Variants in GPC3 observed in about 807,000 individuals in gnomAD.
GPC3 encodes glypican-3.
Under a neutral mutation model 34.4 loss-of-function variants are expected in GPC3, and 3 were observed. The ratio of observed to expected loss-of-function variants is 0.09; its 90% CI spans 0.04 to 0.23. GPC3 has a LOEUF of 0.23. GPC3 is among the 10% of genes least tolerant of loss of function. The pLI is 1.00. For synonymous variants in GPC3, 177 were observed against 174.0 expected (o/e 1.02, Z -0.13); for missense variants, 351 against 445.6 (o/e 0.79, Z 1.91).
chrX:133,798,107 C>T lies in GPC3; in HGVS notation c.338-43931G>A, dbSNP rs1182894726. ...GTCAATTTTAAATTCAACTAGGGCT[C>T]AGTAACACATTAAGATTTTATATTT... On this transcript the variant is annotated intron_variant, in intron 2 of 7. Coordinates refer to ENST00000370818, the MANE Select transcript of GPC3 (RefSeq NM_004484.4). Among the ~76,000 whole-genome samples the T allele has an allele frequency of 2.7e-5, 3 of 111,800 alleles. No individual in the cohort carries two copies. The Admixed American group carries it at 2.8e-4, about 11-fold the overall frequency.
intron 2 of GPC3, among the ~76,000 whole-genome samples, chrX:133,833,780 T>C (rs957863212): frequency 8.9e-6 from 1 of 112,502 alleles, no homozygotes. Context: ...ATAATCCATG[T>C]TTACTATAGA....
rs745968470 is a variant in GPC3 at position 133,661,745 on chromosome X, C to T, written c.1398G>A (p.Leu466=). ...EPVVSQIIDK[L]KHINQLLRTM... is the part of the protein sequence containing the mutation. Reference sequence around the variant, plus strand: ...TTCCACATACCTGGTTAATGTGCTTCAGTTTGTCAATAATTTGACTGACCA... The same window carrying T: ...TTCCACATACCTGGTTAATGTGCTTTAGTTTGTCAATAATTTGACTGACCA... Residue 466 remains leucine (L), a synonymous_variant, in exon 6 of 8, where the codon CTG becomes CTA. Transcript: ENST00000370818. The T allele has an allele frequency of 2.7e-5, 32 of 1,167,550 alleles. No individual in the cohort carries two copies. The highest frequency in any genetic ancestry group is 3.5e-5 in the Non-Finnish European group (30 of 863,630).
intron 2 of GPC3, among the ~76,000 whole-genome samples, chrX:133,868,107 T>C (rs1183967266): frequency 8.9e-6 from 1 of 111,756 alleles, no homozygotes; most frequent in African/African-American, 3.3e-5. Context: ...GCCCTCTGTC[T>C]TTGCAAAAAC....
At chrX:133,740,237 T>C (rs1034129779) in intron 3 of GPC3, among the ~76,000 whole-genome samples, 1 of 111,799 alleles carries the variant, frequency 8.9e-6, no homozygotes, top group African/African-American at 3.2e-5. Context: ...GGAGAAATGG[T>C]AGGGGAGGAA....
chrX:133,611,240 G>A (rs776560149), intron 6 of GPC3, among the ~76,000 whole-genome samples: 20 of 109,732 alleles, frequency 1.8e-4, no homozygotes, highest in African/African-American at 6.3e-4. Context: ...GGGGTGTGGT[G>A]GGGGGTGGAG....
At position 133,684,895 on chromosome X, in the gene GPC3, T is replaced by C. The variant is rs781186507; in HGVS notation, c.1292+7474A>G. On this transcript the variant is annotated intron_variant, in intron 5 of 7. Coordinates refer to ENST00000370818, the MANE Select transcript of GPC3 (RefSeq NM_004484.4). ...TGGCATATAGGTCTTTTTTTTTTTT[T>C]ACTTAATCTCTTTACTACTAGATTG... Among the ~76,000 whole-genome samples, 269 of 110,069 alleles carry C rather than the reference T, an allele frequency of 2.4e-3. 2 individuals are homozygous for C. The highest frequency in any genetic ancestry group is 4.5e-3 in the Non-Finnish European group (239 of 52,775).
At chrX:133,564,824 A>C (rs1431747723) in intron 7 of GPC3, among the ~76,000 whole-genome samples, 1 of 112,021 alleles carries the variant, frequency 8.9e-6, no homozygotes, top group African/African-American at 3.2e-5. Context: ...GACTTCCAAA[A>C]TCTTATGCAC....
chrX:133,776,816 C>G (rs185697985), intron 2 of GPC3, among the ~76,000 whole-genome samples: 1 of 109,988 alleles, frequency 9.1e-6, no homozygotes, highest in Non-Finnish European at 1.9e-5. Flanking sequence ...CTCTCATTCT[C>G]TTACAGCAAT....
chrX:133,918,929 C>T (rs1480406204), intron 2 of GPC3, among the ~76,000 whole-genome samples: 4 of 111,793 alleles, frequency 3.6e-5, no homozygotes, highest in African/African-American at 9.8e-5. Flanking sequence ...GCGACAGAAG[C>T]GGAAAGAACC....
In GPC3 at chrX:133,703,681, T is replaced by C. The variant is rs184731460; in HGVS notation, c.1033-3653A>G. On this transcript the variant is annotated intron_variant, in intron 3 of 7. Coordinates refer to ENST00000370818, the MANE Select transcript of GPC3 (RefSeq NM_004484.4). ...TTCACCGTGTTAGCTAGGATGGTCT[T>C]GATCTCCTGACCTCGTGATCCACCC... Among the ~76,000 whole-genome samples, 606 of 111,686 alleles carry C rather than the reference T, an allele frequency of 5.4e-3. 3 individuals carry two copies. The highest frequency in any genetic ancestry group is 0.018 in the African/African-American group (547 of 30,727).
chrX:133,553,425 CTACT>C (rs928856403), intron 7 of GPC3, among the ~76,000 whole-genome samples: 1 of 111,985 alleles, frequency 8.9e-6, no homozygotes, highest in Non-Finnish European at 1.9e-5. Flanking sequence ...GCCTGGCATC[CTACT>C]TTTTTTCTAG....
intron 6 of GPC3, among the ~76,000 whole-genome samples, chrX:133,630,137 T>TTG (rs905120658): frequency 9.0e-6 from 1 of 111,671 alleles, no homozygotes; most frequent in Admixed American, 9.5e-5. Flanking sequence ...GGTTTGTGTT[T>TTG]TGTGTGTGTG....
rs187072230 is a variant in GPC3 at position 133,979,175 on chromosome X, T to C, written c.175+6100A>G. 2.7e-5 allele frequency among the ~76,000 whole-genome samples: 3 copies of C among 112,113 alleles called. No individual in the cohort carries two copies. The East Asian group carries it at 8.4e-4, about 31-fold the overall frequency. On this transcript the variant is annotated intron_variant, in intron 1 of 7. Coordinates refer to ENST00000370818, the MANE Select transcript of GPC3 (RefSeq NM_004484.4). The stretch of plus-strand genomic sequence containing the variant: ...ATTTTATCTCCTTCCTATCAATTAT[T>C]TATCAACATAAGCCTATTAAGTACG...
chrX:133,773,652 G>A (rs1332269031), intron 2 of GPC3, among the ~76,000 whole-genome samples: 1 of 111,720 alleles, frequency 9.0e-6, no homozygotes, highest in Non-Finnish European at 1.9e-5. Flanking sequence ...AAAGAGCAGA[G>A]TGAAGGACTT....
intron 6 of GPC3, among the ~76,000 whole-genome samples, chrX:133,598,993 A>G (rs1275289451): frequency 2.7e-5 from 3 of 112,553 alleles, no homozygotes; most frequent in Non-Finnish European, 5.6e-5. Flanking sequence ...TTCTATTGAA[A>G]GCCTGAATTT....
intron 2 of GPC3, among the ~76,000 whole-genome samples, chrX:133,842,469 C>T (rs1313070732): frequency 9.3e-6 from 1 of 108,074 alleles, no homozygotes; most frequent in East Asian, 2.9e-4. Flanking sequence ...TTCTGTCCCT[C>T]TAAGAGAACC....
intron 3 of GPC3, among the ~76,000 whole-genome samples, chrX:133,746,826 A>G (rs781299450): frequency 1.4e-4 from 16 of 112,137 alleles, no homozygotes; most frequent in African/African-American, 5.2e-4. Flanking sequence ...AGACTGAAAA[A>G]TGAAAGTCCA....
At chrX:133,899,523 G>GT (rs2076134908) in intron 2 of GPC3, among the ~76,000 whole-genome samples, 1 of 111,381 alleles carries the variant, frequency 9.0e-6, no homozygotes, top group Admixed American at 9.6e-5. Context: ...CTCAAACTGC[G>GT]TATCATCAGT....
intron 2 of GPC3, among the ~76,000 whole-genome samples, chrX:133,811,532 T>C (rs936445461): frequency 8.9e-6 from 1 of 111,850 alleles, no homozygotes; most frequent in African/African-American, 3.3e-5. Context: ...CTCTCCTATG[T>C]AATTCAGCTT....
Sources: allele counts gnomAD v4.1 joint callset (sites outside exome capture counted in the v4.1 genomes callset), GRCh38; gene constraint gnomAD v4.1.1; transcripts MANE v1.5; gene names NCBI Gene and HGNC (gene_info 2026-07-23, HGNC 2026-07-21).